ZNF500: variants seen among roughly 807,000 people sequenced by gnomAD.
The protein encoded by ZNF500 is zinc finger protein with KRAB and SCAN domains 18.
ZNF500 carries 31 observed loss-of-function variants against 30.1 expected under a neutral mutation model. That is an observed-to-expected ratio of 1.03 (90% CI 0.77 to 1.39). The LOEUF (loss-of-function observed/expected upper bound fraction) is 1.39, where lower values mean the gene tolerates loss of function less well. ZNF500 is among the 40% of genes most tolerant of loss of function. ZNF500 has a pLI of 0.00. For missense variants in ZNF500, 817 were observed against 657.8 expected (o/e 1.24, Z -2.65); for synonymous variants, 392 against 282.0 (o/e 1.39, Z -3.91).
At chr16:4,746,431 G>T (rs2082018365), downstream of ZNF500, 16 of 1,613,554 alleles carry the variant, frequency 9.9e-6, no homozygotes, top group Non-Finnish European at 1.3e-5. Context: ...CTGGCCCAGG[G>T]CATGAGGCTT....
At chr16:4,764,081 T>C in intron 2 of ZNF500, 3 of 985,350 alleles carry the variant, frequency 3.0e-6, no homozygotes, top group Non-Finnish European at 2.4e-6. Context: ...CTCCTTCAAA[T>C]GGGGCTGGAA....
Position 4,752,949 on chromosome 16 carries a change from G to C in ZNF500, c.870C>G (p.Leu290=), listed in dbSNP as rs987535629. ...TGACTGGGGCTGGCCTCTGACCTGG[G>C]AGCGGGTGGCCAGGCCCCTGGCATC... ...SARCQGPGHP[L]PGQRPAPVRG... The change falls in exon 6 of 6, where the codon CTC becomes CTG. Residue 290 remains leucine, a synonymous_variant. Transcript: ENST00000219478. 2 of 1,611,112 alleles carry C rather than the reference G, an allele frequency of 1.2e-6. No individual in the cohort carries two copies. The highest frequency in any genetic ancestry group is 1.7e-4 in the Middle Eastern group (1 of 6,052).
At chr16:4,763,928 G>GCTGGTCAGCA (rs1190003360) in intron 2 of ZNF500, 16 of 985,344 alleles carry the variant, frequency 1.6e-5, no homozygotes, top group Non-Finnish European at 1.9e-5. Flanking sequence ...AAGAAAGGCA[G>GCTGGTCAGCA]CTGGTCAGCA....
At chr16:4,762,430 C>T in intron 3 of ZNF500, 95 bp from the exon 4 acceptor site, 1 of 1,520,720 alleles carries the variant, frequency 6.6e-7, no homozygotes, top group Non-Finnish European at 8.9e-7. Flanking sequence ...CCGGCGGCTG[C>T]CCACCCAAGA....
Position 4,752,307 on chromosome 16 carries a change from T to C in ZNF500, c.*69A>G. On this transcript the variant is annotated 3_prime_UTR_variant, in exon 6 of 6. Coordinates refer to ENST00000219478, the MANE Select transcript of ZNF500 (RefSeq NM_021646.4). The stretch of plus-strand genomic sequence containing the variant: ...AGCTGGCAATGCTTTCGGACCAGGC[T>C]GTCTAGCAGTTTCCTGAATTCTGTG... 2 of 1,432,208 alleles carry C rather than the reference T, an allele frequency of 1.4e-6. No individual in the cohort carries two copies. The highest frequency in any genetic ancestry group is 1.5e-5 in the South Asian group (1 of 66,254). The allele number at this position is 1,432,208 out of a possible 1,614,324, so 88.7% of individuals were successfully genotyped here. A position where few individuals can be genotyped will look rare whatever the true frequency, so the allele number is the denominator to read the frequency against.
In ZNF500 at chr16:4,752,013, C is replaced by T. The variant is rs567442357; in HGVS notation, c.*363G>A. The stretch of plus-strand genomic sequence containing the variant: ...GGGACGTGGGGATGAGGCTGTATGC[C>T]AGCAGCCACTGGATGCTGGAGGCAG... On this transcript the variant is annotated 3_prime_UTR_variant, in exon 6 of 6. Transcript: ENST00000219478. 8.6e-7 allele frequency: 1 copy of T among 1,165,940 alleles called. No individual in the cohort carries two copies. Among genetic ancestry groups the T allele is most frequent in the East Asian group, 3.6e-5 (1 of 27,798 alleles). The allele number at this position is 1,165,940 out of a possible 1,614,324, so 72.2% of individuals were successfully genotyped here.
rs1334111504 is a variant in ZNF500, at chr16:4,752,447, T to A, written c.1372A>T (p.Thr458Ser). ...RGTDLHKHQR[T>S]HMGAGSLPTL... is the part of the protein sequence containing the mutation. Reference sequence around the variant, plus strand: ...GGCAAGGAGCCTGCCCCCATGTGGGTCCGCTGGTGCTTGTGCAGGTCGGTG... The same window carrying A: ...GGCAAGGAGCCTGCCCCCATGTGGGACCGCTGGTGCTTGTGCAGGTCGGTG... Residue 458 changes from threonine (T) to serine (S), a missense_variant, in exon 6 of 6, where the codon ACC becomes TCC. Physicochemically the swap from Thr to Ser is moderately conservative, Grantham distance 58. Transcript: ENST00000219478. 6.5e-7 allele frequency: 1 copy of A among 1,540,604 alleles called. No homozygotes were observed. Among genetic ancestry groups the A allele is most frequent in the Non-Finnish European group, 8.7e-7 (1 of 1,147,640 alleles).
intron 5 of ZNF500, among the ~76,000 whole-genome samples, chr16:4,757,596 G>C (rs555061170): frequency 1.3e-5 from 2 of 151,534 alleles, no homozygotes; most frequent in African/African-American, 2.4e-5. Flanking sequence ...CACCATGCCC[G>C]GCCCGTTTTT....
chr16:4,764,009 T>C (rs577577004), intron 2 of ZNF500: 1 of 985,450 alleles, frequency 1.0e-6, no homozygotes, highest in Admixed American at 6.1e-5. Flanking sequence ...GACTTCTTTC[T>C]AATCTCAAGG....
At chr16:4,763,086 C>T (rs994503971) in intron 2 of ZNF500, 1 of 985,456 alleles carries the variant, frequency 1.0e-6, no homozygotes, top group Admixed American at 6.1e-5. Context: ...GTTCACAGAA[C>T]TGCATTTGCT....
chr16:4,752,112 T>G lies in ZNF500; in HGVS notation c.*264A>C. ...GAGTGTCGGCTTCTGGCCTCCTGAG[T>G]GTGTCTCTGTGGCTGAAGCCCCTGC... On this transcript the variant is annotated 3_prime_UTR_variant, in exon 6 of 6. Coordinates refer to ENST00000219478, the MANE Select transcript of ZNF500 (RefSeq NM_021646.4). 1.5e-6 allele frequency: 2 copies of G among 1,337,660 alleles called. No individual in the cohort carries two copies. The highest frequency in any genetic ancestry group is 1.9e-6 in the Non-Finnish European group (2 of 1,049,562). The allele number at this position is 1,337,660 out of a possible 1,614,324, so 82.9% of individuals were successfully genotyped here.
chr16:4,757,390 G>C (rs1195057072), intron 5 of ZNF500, among the ~76,000 whole-genome samples: 2 of 152,002 alleles, frequency 1.3e-5, no homozygotes, highest in African/African-American at 4.8e-5. Flanking sequence ...ACAGCTTACT[G>C]CAGCCTTGAC....
At chr16:4,744,915 C>G, downstream of ZNF500, 1 of 1,613,780 alleles carries the variant, frequency 6.2e-7, no homozygotes, top group Non-Finnish European at 8.5e-7. Flanking sequence ...GAACAGCTGG[C>G]CCTCCTGTGC....
rs1475047538 is a variant in ZNF500, at chr16:4,757,972, G to A, written c.760+2520C>T. 2.0e-5 allele frequency among the ~76,000 whole-genome samples: 3 copies of A among 150,486 alleles called. No individual in the cohort carries two copies. In the Admixed American group the frequency reaches 2.0e-4, roughly 10 times the overall value. ...GCTGGAGTGCAATGGCGTGATCTTG[G>A]CTTACTGCAATCTCCGCCTCCTGGG... On this transcript the variant is annotated intron_variant, in intron 5 of 5. Coordinates refer to ENST00000219478, the MANE Select transcript of ZNF500 (RefSeq NM_021646.4).
rs367989307 is a variant in ZNF500 at position 4,763,786 on chromosome 16, G to C, written c.415-1030C>G. 4 of 985,308 alleles carry C rather than the reference G, an allele frequency of 4.1e-6. No homozygotes were observed. In the East Asian group the frequency reaches 3.4e-4, roughly 84 times the overall value. The allele number at this position is 985,308 out of a possible 1,614,324, so 61.0% of individuals were successfully genotyped here. A position where few individuals can be genotyped will look rare whatever the true frequency, so the allele number is the denominator to read the frequency against. On this transcript the variant is annotated intron_variant, in intron 2 of 5. Transcript: ENST00000219478. ...GGCTGGCCGGCTGGGAAGAAACCCC[G>C]ATTTCTTGGCCACCCCGATGGCAGG...
chr16:4,763,836 G>T (rs1002603559), intron 2 of ZNF500: 1 of 985,326 alleles, frequency 1.0e-6, no homozygotes, highest in Non-Finnish European at 1.2e-6. Context: ...GTCAGCTCAC[G>T]CCGTGGTCAA....
At chr16:4,762,815 G>A (rs2290561) in intron 2 of ZNF500, 59 bp from the exon 3 acceptor site, 210,766 of 1,523,970 alleles carry the variant, frequency 0.14, 15,866 homozygotes, top group East Asian at 0.27. Context: ...AAAAATCCCC[G>A]CAGGGCCCCA....
intron 5 of ZNF500, among the ~76,000 whole-genome samples, chr16:4,753,962 A>C (rs911572213): frequency 3.9e-5 from 6 of 152,142 alleles, no homozygotes; most frequent in African/African-American, 1.2e-4. Flanking sequence ...TAGAGCCACC[A>C]CCAACAGGAC....
chr16:4,762,631 C>A lies in ZNF500; in HGVS notation c.540G>T (p.Gln180His). The A allele has an allele frequency of 6.2e-7, 1 of 1,614,102 alleles. No homozygotes were observed. The highest frequency in any genetic ancestry group is 8.5e-7 in the Non-Finnish European group (1 of 1,179,982). Residue 180 changes from glutamine (Q) to histidine (H), a missense_variant, in exon 3 of 6, where the codon CAG becomes CAT. By Grantham distance (24) the Gln-to-His change is conservative. Coordinates refer to ENST00000219478, the MANE Select transcript of ZNF500 (RefSeq NM_021646.4). Reference sequence around the variant, plus strand: ...GCCTGTGGCTCAGCTGGGCTGGGGGCTGCTGGCTGGAGAATCGAGCCTCTT... The same window carrying A: ...GCCTGTGGCTCAGCTGGGCTGGGGGATGCTGGCTGGAGAATCGAGCCTCTT... ...LEEEARFSSQ[Q>H]PPAQLSHRPQ...
Sources: allele counts gnomAD v4.1 joint callset (sites outside exome capture counted in the v4.1 genomes callset), GRCh38; gene constraint gnomAD v4.1.1; transcripts MANE v1.5; gene names NCBI Gene and HGNC (gene_info 2026-07-23, HGNC 2026-07-21).